Variants in PCSK6 observed in about 807,000 individuals in gnomAD.
The protein encoded by PCSK6 is proprotein convertase subtilisin/kexin type 6, also known as paired basic amino acid cleaving enzyme 4.
A neutral mutation model predicts 123.3 loss-of-function variants in PCSK6; 85 were observed. The ratio of observed to expected loss-of-function variants is 0.69; its 90% CI spans 0.58 to 0.83. PCSK6 has a LOEUF of 0.83. Among genes scored for constraint, PCSK6 ranks in the 40% least tolerant of loss-of-function variants. The pLI, the probability that PCSK6 is intolerant of heterozygous loss-of-function variation, is 0.00. For missense variants in PCSK6, 1,191 were observed against 1,282.3 expected (o/e 0.93, Z 1.09); for synonymous variants, 508 against 516.0 (o/e 0.98, Z 0.21).
At chr15:101,410,652 C>T (rs1238096240) in intron 6 of PCSK6, among the ~76,000 whole-genome samples, 2 of 152,240 alleles carry the variant, frequency 1.3e-5, no homozygotes, top group Non-Finnish European at 2.9e-5. Context: ...TCCCCTTCTG[C>T]TTCTGTTTCT....
intron 6 of PCSK6, among the ~76,000 whole-genome samples, chr15:101,402,744 T>C (rs1298381139): frequency 1.3e-5 from 2 of 152,212 alleles, no homozygotes; most frequent in African/African-American, 4.8e-5. Flanking sequence ...CCAGTTAGAA[T>C]GGCAATCATT....
At chr15:101,447,217 T>C (rs574171845) in intron 1 of PCSK6, among the ~76,000 whole-genome samples, 18 of 152,142 alleles carry the variant, frequency 1.2e-4, no homozygotes, top group Non-Finnish European at 2.4e-4. Context: ...AGGCTGTTCC[T>C]TCACATCTCT....
chr15:101,371,645 C>A (rs1018295000), intron 11 of PCSK6, among the ~76,000 whole-genome samples: 1 of 152,148 alleles, frequency 6.6e-6, no homozygotes, highest in African/African-American at 2.4e-5. Context: ...AGGACTGTAC[C>A]CAAGGTGTAG....
At chr15:101,310,809 C>T (rs2039839963) in intron 20 of PCSK6, among the ~76,000 whole-genome samples, 1 of 152,208 alleles carries the variant, frequency 6.6e-6, no homozygotes, top group African/African-American at 2.4e-5. Context: ...AGGCAGACCC[C>T]ACTGTGTGGT....
At chr15:101,469,786 C>T (rs897958220) in intron 1 of PCSK6, among the ~76,000 whole-genome samples, 7 of 152,208 alleles carry the variant, frequency 4.6e-5, no homozygotes, top group African/African-American at 7.2e-5. Context: ...CTAAGCTTTT[C>T]AAATCGGCCA....
Position 101,398,902 on chromosome 15 carries a change from T to C in PCSK6, c.824-326A>G, listed in dbSNP as rs549632199. Among the ~76,000 whole-genome samples the C allele has an allele frequency of 2.1e-3, 243 of 117,908 alleles. 1 individual carries two copies. The highest frequency in any genetic ancestry group is 6.3e-3 in the African/African-American group (232 of 37,040). 77.4% of individuals were successfully genotyped at this position (117,908 alleles called of 152,430 possible). A position where few individuals can be genotyped will look rare whatever the true frequency, so the allele number is the denominator to read the frequency against. Reference sequence around the variant, plus strand: ...CAAGACCTATTATTATTATTATTATTATTTATTATTATTATTTTGAGACAG... The same window carrying C: ...CAAGACCTATTATTATTATTATTATCATTTATTATTATTATTTTGAGACAG... On this transcript the variant is annotated intron_variant, in intron 6 of 21. Coordinates refer to ENST00000611716, the MANE Select transcript of PCSK6 (RefSeq NM_002570.5). The surrounding 1 kb of genome is among the most constrained non-coding windows in gnomAD (Gnocchi z 4.6).
chr15:101,407,113 G>C (rs1266749683), intron 6 of PCSK6, among the ~76,000 whole-genome samples: 1 of 152,084 alleles, frequency 6.6e-6, no homozygotes. Flanking sequence ...GTGTGGCAAG[G>C]GTATGGCCCC....
chr15:101,383,299 C>T (rs1322063433), intron 10 of PCSK6, among the ~76,000 whole-genome samples: 4 of 149,654 alleles, frequency 2.7e-5, no homozygotes, highest in Non-Finnish European at 5.9e-5. Context: ...CCCAGCTACT[C>T]GGGAGGGATT....
chr15:101,334,489 A>G (rs1469606583), intron 13 of PCSK6: 4 of 151,884 alleles, frequency 2.6e-5, no homozygotes, highest in Non-Finnish European at 2.9e-5. Context: ...TGTTCTCACC[A>G]CTGCAGGTGC....
rs370390698 is a variant in PCSK6, at chr15:101,431,451, T to C, written c.526A>G (p.Lys176Glu). The C allele has an allele frequency of 2.8e-5, 45 of 1,613,818 alleles. 1 individual carries two copies. In the African/African-American group the frequency reaches 3.7e-4, roughly 13 times the overall value. The change falls in exon 4 of 22, where the codon AAG becomes GAG. Residue 176 changes from lysine to glutamate, a missense_variant. Transcript: ENST00000611716. ...SNMWYLHCGD[K>E]NSRCRSEMNV... Reference sequence around the variant, plus strand: ...ATTTCCGACCGGCAGCGACTGTTCTTGTCGCCACAATGCTGTAAGCACGAA... The same window carrying C: ...ATTTCCGACCGGCAGCGACTGTTCTCGTCGCCACAATGCTGTAAGCACGAA...
At chr15:101,381,723 G>C (rs900023419) in intron 11 of PCSK6, among the ~76,000 whole-genome samples, 5 of 152,178 alleles carry the variant, frequency 3.3e-5, no homozygotes, top group Non-Finnish European at 5.9e-5. Flanking sequence ...TGACAGAAAG[G>C]ACACCTGCAG....
chr15:101,477,626 C>T (rs893562204), intron 1 of PCSK6, among the ~76,000 whole-genome samples: 2 of 152,086 alleles, frequency 1.3e-5, no homozygotes, highest in African/African-American at 2.4e-5. Flanking sequence ...TTCTGTATTG[C>T]AAAAATATTC....
chr15:101,367,290 C>T (rs1176491347), intron 12 of PCSK6, among the ~76,000 whole-genome samples: 1 of 152,174 alleles, frequency 6.6e-6, no homozygotes, highest in Admixed American at 6.6e-5. Context: ...AGGTTTTTTC[C>T]TCTTATTCTT....
At chr15:101,336,053 G>T (rs754158738) in intron 13 of PCSK6, among the ~76,000 whole-genome samples, 3 of 152,234 alleles carry the variant, frequency 2.0e-5, no homozygotes, top group Non-Finnish European at 4.4e-5. Flanking sequence ...GTCTGCTACT[G>T]ATGGAAATGT....
At chr15:101,432,659 C>G (rs2056485574) in intron 2 of PCSK6, among the ~76,000 whole-genome samples, 1 of 150,132 alleles carries the variant, frequency 6.7e-6, no homozygotes, top group African/African-American at 2.5e-5. Flanking sequence ...GAGAGAGAGA[C>G]AGAAAGACAA....
chr15:101,474,977 C>T (rs761250157), intron 1 of PCSK6, among the ~76,000 whole-genome samples: 1 of 152,166 alleles, frequency 6.6e-6, no homozygotes, highest in Non-Finnish European at 1.5e-5. Context: ...AAAGCACTCA[C>T]GATCCATCTG....
intron 1 of PCSK6, among the ~76,000 whole-genome samples, chr15:101,447,932 T>C (rs1333343646): frequency 6.6e-6 from 1 of 152,224 alleles, no homozygotes; most frequent in Non-Finnish European, 1.5e-5. Flanking sequence ...CTTCCCTCGA[T>C]TATAGAAGGG....
chr15:101,489,422 G>C lies in PCSK6; in HGVS notation c.249C>G (p.Ala83=), dbSNP rs765419556. The C allele has an allele frequency of 6.9e-5, 89 of 1,281,650 alleles. 2 individuals are homozygous for C. In the South Asian group the frequency reaches 1.0e-3, roughly 15 times the overall value. 79.4% of individuals were successfully genotyped at this position (1,281,650 alleles called of 1,614,324 possible). Residue 83 remains alanine, a synonymous_variant, in exon 1 of 22, where the codon GCC becomes GCG. Coordinates refer to ENST00000611716, the MANE Select transcript of PCSK6 (RefSeq NM_002570.5). ...GCGCCGCCGCCACGCGGTCCGCCTC[G>C]GCCGGGCCGCCCAGCACTTGCACCG... The part of the protein sequence containing the change: ...HWAVQVLGGP[A]EADRVAAAHG...
At chr15:101,469,991 G>A (rs556088613) in intron 1 of PCSK6, among the ~76,000 whole-genome samples, 103 of 152,284 alleles carry the variant, frequency 6.8e-4, no homozygotes, top group South Asian at 1.7e-3. Context: ...GCAACAACAC[G>A]CGCTGAGTGC....
Sources: allele counts gnomAD v4.1 joint callset (sites outside exome capture counted in the v4.1 genomes callset), GRCh38; gene constraint gnomAD v4.1.1; non-coding constraint Gnocchi (gnomAD v3.1); transcripts MANE v1.5; gene names NCBI Gene and HGNC (gene_info 2026-07-23, HGNC 2026-07-21).